BLNK: variants seen among roughly 807,000 people sequenced by gnomAD.
BLNK encodes B cell linker.
BLNK carries 29 observed loss-of-function variants against 73.5 expected under a neutral mutation model. The ratio of observed to expected loss-of-function variants is 0.39; its 90% CI spans 0.29 to 0.54. The LOEUF (loss-of-function observed/expected upper bound fraction) is 0.54. BLNK is among the 20% of genes least tolerant of loss of function. BLNK has a pLI of 0.61. For missense variants in BLNK, 460 were observed against 562.8 expected, an observed-to-expected ratio of 0.82 and a Z score of 1.85; for synonymous variants, 176 against 200.8, an observed-to-expected ratio of 0.88 and a Z score of 1.04.
chr10:96,191,418 A>G lies in BLNK; in HGVS notation c.*555T>C, dbSNP rs2083327840. Reference sequence around the variant, plus strand: ...ACAGCATAATCCTAGACAAGAACTTATAGAAAGTTCATATCCATATATATA... The same window carrying G: ...ACAGCATAATCCTAGACAAGAACTTGTAGAAAGTTCATATCCATATATATA... On this transcript the variant is annotated 3_prime_UTR_variant, in exon 17 of 17. Transcript: ENST00000224337. Among the ~76,000 whole-genome samples the G allele has an allele frequency of 6.6e-6, 1 of 152,142 alleles. No individual in the cohort carries two copies. Among genetic ancestry groups the G allele is most frequent in the South Asian group, 2.1e-4 (1 of 4,820 alleles).
chr10:96,232,647 T>C (rs1405667473), intron 3 of BLNK, among the ~76,000 whole-genome samples: 1 of 152,208 alleles, frequency 6.6e-6, no homozygotes, highest in Non-Finnish European at 1.5e-5. Context: ...CACTTTGACG[T>C]GAACAGAAAA....
intron 8 of BLNK, among the ~76,000 whole-genome samples, chr10:96,210,560 C>G (rs1011491743): frequency 5.3e-5 from 8 of 152,216 alleles, no homozygotes; most frequent in African/African-American, 1.9e-4. Context: ...AGGGTCTTGT[C>G]CCCTGCACCC....
chr10:96,262,619 T>C (rs1297793857), intron 1 of BLNK, among the ~76,000 whole-genome samples: 3 of 152,220 alleles, frequency 2.0e-5, no homozygotes, highest in Non-Finnish European at 4.4e-5. Flanking sequence ...TGCTGTGTGC[T>C]TGGTCTGTAT....
intron 6 of BLNK, 48 bp from the exon 7 acceptor site, chr10:96,216,782 T>C: frequency 2.7e-6 from 4 of 1,480,378 alleles, no homozygotes; most frequent in Non-Finnish European, 3.8e-6. Context: ...ACATTCATAG[T>C]TGACTGTATG....
chr10:96,199,639 A>G (rs782789974), intron 15 of BLNK: 6 of 408,334 alleles, frequency 1.5e-5, no homozygotes, highest in Non-Finnish European at 3.0e-5. Context: ...CCTTGTATCT[A>G]CACTTGTTGC....
At chr10:96,255,952 T>A (rs1437600679) in intron 1 of BLNK, among the ~76,000 whole-genome samples, 3 of 152,240 alleles carry the variant, frequency 2.0e-5, no homozygotes, top group Non-Finnish European at 4.4e-5. Context: ...AGTCTCACCC[T>A]GAGCTCCATG....
chr10:96,204,109 TA>T, intron 12 of BLNK, 21 bp from the exon 13 acceptor site: 1 of 1,613,572 alleles, frequency 6.2e-7, no homozygotes, highest in Non-Finnish European at 8.5e-7. Flanking sequence ...GAATTTCAGA[TA>T]ATTAAAGGAC....
At chr10:96,204,866 T>G in intron 11 of BLNK, 1 of 454,164 alleles carries the variant, frequency 2.2e-6, no homozygotes, top group Non-Finnish European at 4.1e-6. Context: ...ACTGGCAATG[T>G]ACATAGAGAC....
chr10:96,231,288 A>C (rs1382125875), intron 3 of BLNK, among the ~76,000 whole-genome samples: 1 of 152,294 alleles, frequency 6.6e-6, no homozygotes, highest in East Asian at 1.9e-4. Context: ...AGATCTATAC[A>C]ATGAGGGGAT....
At chr10:96,249,515 G>A (rs781876682) in intron 1 of BLNK, among the ~76,000 whole-genome samples, 3 of 152,244 alleles carry the variant, frequency 2.0e-5, no homozygotes, top group Non-Finnish European at 4.4e-5. Flanking sequence ...CTAGCCCTTA[G>A]GGAGTGGAGT....
At chr10:96,228,623 A>G (rs1004483792) in intron 4 of BLNK, among the ~76,000 whole-genome samples, 1 of 152,230 alleles carries the variant, frequency 6.6e-6, no homozygotes, top group Non-Finnish European at 1.5e-5. Flanking sequence ...TCTGAAGTCC[A>G]AATGGCTTAG....
Position 96,191,771 on chromosome 10 carries a change from C to T in BLNK, c.*202G>A, listed in dbSNP as rs1213888274. 5 of 591,236 alleles carry T rather than the reference C, an allele frequency of 8.5e-6. No individual in the cohort carries two copies. The highest frequency in any genetic ancestry group is 5.6e-5 in the African/African-American group (3 of 53,526). The allele number at this position is 591,236 out of a possible 1,614,324, so 36.6% of individuals were successfully genotyped here. On this transcript the variant is annotated 3_prime_UTR_variant, in exon 17 of 17. Transcript: ENST00000224337. ...ATAACTCAACCTCACCAGATATTAA[C>T]AGTTCATCAGGTCAGGCAATAGAAC... is the stretch of plus-strand genomic sequence containing the variant.
chr10:96,260,579 T>A lies in BLNK; in HGVS notation c.47+10773A>T, dbSNP rs935866618. Reference sequence around the variant, plus strand: ...TCTACATGGCATGATATATATATAGTATTGTCATCTACTTGTCCTGGCATC... The same window carrying A: ...TCTACATGGCATGATATATATATAGAATTGTCATCTACTTGTCCTGGCATC... On this transcript the variant is annotated intron_variant, in intron 1 of 16. Transcript: ENST00000224337. Among the ~76,000 whole-genome samples, 5 of 152,300 alleles carry A rather than the reference T, an allele frequency of 3.3e-5. 1 individual carries two copies. In the East Asian group the frequency reaches 9.6e-4, roughly 29 times the overall value.
In BLNK at chr10:96,191,044, G is replaced by A. The variant is rs896522682; in HGVS notation, c.*929C>T. On this transcript the variant is annotated 3_prime_UTR_variant, in exon 17 of 17. Coordinates refer to ENST00000224337, the MANE Select transcript of BLNK (RefSeq NM_013314.4). ...ACCTGGTGGGAGGTAACTGAATCACGCGGGCAGGTTTTCCCATGTTGTTGT... is the reference window on the plus strand; with the variant it reads ...ACCTGGTGGGAGGTAACTGAATCACACGGGCAGGTTTTCCCATGTTGTTGT... Among the ~76,000 whole-genome samples, 11 of 152,174 alleles carry A rather than the reference G, an allele frequency of 7.2e-5. No individual in the cohort carries two copies. In the East Asian group the frequency reaches 7.7e-4, roughly 11 times the overall value.
intron 8 of BLNK, among the ~76,000 whole-genome samples, chr10:96,213,676 G>A (rs2083998517): frequency 6.6e-6 from 1 of 152,134 alleles, no homozygotes; most frequent in South Asian, 2.1e-4. Context: ...AGCTTTGTAA[G>A]AGGTAAACAC....
intron 1 of BLNK, among the ~76,000 whole-genome samples, chr10:96,259,628 A>T (rs115776324): frequency 6.8e-6 from 1 of 147,866 alleles, no homozygotes; most frequent in African/African-American, 2.5e-5. Context: ...TATTAACCGT[A>T]TAAAGTAATT....
At chr10:96,216,346 G>A (rs587758597) in intron 7 of BLNK, 4 of 402,082 alleles carry the variant, frequency 9.9e-6, no homozygotes, top group Non-Finnish European at 1.9e-5. Flanking sequence ...CATTGTATTA[G>A]GTTTTATGAG....
At chr10:96,231,713 T>G (rs1353001914) in intron 3 of BLNK, among the ~76,000 whole-genome samples, 1 of 121,364 alleles carries the variant, frequency 8.2e-6, no homozygotes. Flanking sequence ...GATGACAGAG[T>G]AAGACCCTGT....
At chr10:96,203,924 G>A in intron 13 of BLNK, 133 bp downstream of exon 13, 1 of 673,408 alleles carries the variant, frequency 1.5e-6, no homozygotes, top group Non-Finnish European at 2.6e-6. Flanking sequence ...TTACAGGTAA[G>A]GAAACAAGTG....
Sources: gnomAD v4.1 joint callset for allele counts (sites outside exome capture counted in the v4.1 genomes callset) on GRCh38, gnomAD v4.1.1 for gene constraint, MANE v1.5 for transcripts, NCBI Gene and HGNC (gene_info 2026-07-23, HGNC 2026-07-21) for gene names.